The following ABCC4 variants were observed in gnomAD, a reference collection of about 807,000 sequenced individuals.
ABCC4 encodes the protein ATP-binding cassette sub-family C member 4.
A neutral mutation model predicts 168.5 loss-of-function variants in ABCC4; 102 were observed. That is an observed-to-expected ratio of 0.61 (90% CI 0.52 to 0.71). The LOEUF (loss-of-function observed/expected upper bound fraction) is 0.71, where lower values mean the gene tolerates loss of function less well. Among genes scored for constraint, ABCC4 ranks in the 30% least tolerant of loss-of-function variants. ABCC4 has a pLI of 0.00. For synonymous variants in ABCC4, 617 were observed against 590.7 expected (o/e 1.04, Z -0.65); for missense variants, 1,402 against 1,605.8 (o/e 0.87, Z 2.17).
chr13:95,186,872 C>A lies in ABCC4; in HGVS notation c.1374G>T (p.Val458=), dbSNP rs777310428. 1.9e-6 allele frequency: 3 copies of A among 1,612,832 alleles called. No homozygotes were observed. Among genetic ancestry groups the A allele is most frequent in the African/African-American group, 1.3e-5 (1 of 74,874 alleles). ...CGTGACTTGGGGCCAATTCCCCGAG[C>A]ACGGCACTTAACAGTGATGACTGAA... ...GAGKSSLLSA[V]LGELAPSHGL... is the part of the protein sequence containing the mutation. The change falls in exon 11 of 31, where the codon GTG becomes GTT. Residue 458 remains valine, a synonymous_variant. Transcript: ENST00000645237.
At position 95,163,200 on chromosome 13, in the gene ABCC4, T is replaced by C. The variant is rs9282570; in HGVS notation, c.2230A>G (p.Met744Val). ...CCTCCATTTACAGTGACATTTAGCA[T>C]ACTTTGTTTGTTTGCCCTATGGAAC... ...WLSYWANKQS[M>V]LNVTVNGGGN... The change falls in exon 18 of 31, where the codon ATG (methionine) becomes GTG (valine). Residue 744 changes from methionine (M) to valine (V), a missense_variant. Around this residue, in one of 3 missense-constraint regions of ABCC4, gnomAD observed 1,007 missense variants for 1,127.3 expected, o/e 0.89. Transcript: ENST00000645237. The C allele has an allele frequency of 2.2e-3, 3,624 of 1,612,506 alleles. 84 individuals are homozygous for C. The African/African-American group carries it at 0.04, about 18-fold the overall frequency.
chr13:95,252,831 T>C (rs185979293), intron 1 of ABCC4, among the ~76,000 whole-genome samples: 4 of 152,298 alleles, frequency 2.6e-5, no homozygotes, highest in African/African-American at 9.6e-5. Flanking sequence ...TGTACATCTA[T>C]AAAGAGAGTG....
chr13:95,080,232 G>A (rs1309119483), intron 21 of ABCC4, among the ~76,000 whole-genome samples: 1 of 152,144 alleles, frequency 6.6e-6, no homozygotes, highest in African/African-American at 2.4e-5. Flanking sequence ...AACAGAAATT[G>A]GATACGGCTT....
chr13:95,102,014 T>C (rs1361632991), intron 20 of ABCC4, among the ~76,000 whole-genome samples: 1 of 152,226 alleles, frequency 6.6e-6, no homozygotes, highest in Non-Finnish European at 1.5e-5. Context: ...ATTTTCTCCA[T>C]TTTACAGAGA....
Position 95,020,933 on chromosome 13 carries a change from C to A in ABCC4, c.*642G>T, listed in dbSNP as rs1369166064. ...TTCCATTTTGAGAAAGTAGTATTTT[C>A]TCTTCCTTCTCTTTTAGAACATATG... On this transcript the variant is annotated 3_prime_UTR_variant, in exon 31 of 31. Transcript: ENST00000645237. The A allele has an allele frequency of 5.2e-5, 8 of 152,434 alleles. No individual in the cohort carries two copies. In the East Asian group the frequency reaches 1.2e-3, roughly 22 times the overall value. The allele number at this position is 152,434 out of a possible 1,614,324, so 9.4% of individuals were successfully genotyped here.
intron 1 of ABCC4, among the ~76,000 whole-genome samples, chr13:95,290,131 GATA>G (rs1345045355): frequency 6.6e-6 from 1 of 151,686 alleles, no homozygotes; most frequent in African/African-American, 2.4e-5. Context: ...TAGATAGATA[GATA>G]GATAGATAGA....
At chr13:95,196,569 G>C (rs1406877214) in intron 8 of ABCC4, among the ~76,000 whole-genome samples, 2 of 108,392 alleles carry the variant, frequency 1.8e-5, no homozygotes, top group African/African-American at 6.0e-5. Flanking sequence ...AGGAAAGGAG[G>C]AAAGGAGGAA....
chr13:95,127,941 A>G (rs930588825), intron 19 of ABCC4, among the ~76,000 whole-genome samples: 5 of 152,224 alleles, frequency 3.3e-5, no homozygotes, highest in African/African-American at 1.2e-4. Context: ...ACATGCAAAA[A>G]AAAAGCTTTA....
intron 20 of ABCC4, among the ~76,000 whole-genome samples, chr13:95,100,859 G>A (rs2034777055): frequency 6.6e-6 from 1 of 152,198 alleles, no homozygotes; most frequent in Non-Finnish European, 1.5e-5. Context: ...TTGAGGGTAG[G>A]AGTTGGGGGA....
intron 30 of ABCC4, among the ~76,000 whole-genome samples, chr13:95,022,154 AT>A (rs756888568): frequency 6.6e-6 from 1 of 152,240 alleles, no homozygotes. Context: ...ATGCTGGCAT[AT>A]ACGTATGAAA....
chr13:95,199,202 A>G (rs934492835), intron 8 of ABCC4, among the ~76,000 whole-genome samples: 1 of 152,224 alleles, frequency 6.6e-6, no homozygotes, highest in Non-Finnish European at 1.5e-5. Context: ...TGTGTCTGCC[A>G]AGCTCTGGTC....
intron 1 of ABCC4, among the ~76,000 whole-genome samples, chr13:95,287,902 C>T (rs2041299479): frequency 6.6e-6 from 1 of 151,854 alleles, no homozygotes; most frequent in Admixed American, 6.6e-5. Flanking sequence ...ATTAGCCAGG[C>T]ATGGTGGCAT....
rs989302650 is a variant in ABCC4 at position 95,040,367 on chromosome 13, G to A, written c.3735+3315C>T. ...CTGCCTCAGCCTCCCGAGTAGCTGGGATTACAGGCACACGGCACCACGCCC... is the reference window on the plus strand; with the variant it reads ...CTGCCTCAGCCTCCCGAGTAGCTGGAATTACAGGCACACGGCACCACGCCC... On this transcript the variant is annotated intron_variant, in intron 29 of 30. Coordinates refer to ENST00000645237, the MANE Select transcript of ABCC4 (RefSeq NM_005845.5). Among the ~76,000 whole-genome samples the A allele has an allele frequency of 3.3e-5, 5 of 152,206 alleles. No homozygotes were observed. The South Asian group carries it at 6.2e-4, about 19-fold the overall frequency.
At chr13:95,287,565 T>A (rs4773871) in intron 1 of ABCC4, among the ~76,000 whole-genome samples, 3 of 151,150 alleles carry the variant, frequency 2.0e-5, no homozygotes, top group Non-Finnish European at 4.4e-5. Flanking sequence ...CCAGCCTGGG[T>A]GGAAGGGCAT....
intron 27 of ABCC4, among the ~76,000 whole-genome samples, chr13:95,045,255 C>G (rs1257711437): frequency 6.6e-6 from 1 of 152,076 alleles, no homozygotes; most frequent in Non-Finnish European, 1.5e-5. Context: ...GAGTATAACT[C>G]AAGGGAAAAT....
intron 11 of ABCC4, 104 bp downstream of exon 11, chr13:95,186,597 A>T: frequency 9.6e-7 from 1 of 1,044,252 alleles, no homozygotes; most frequent in Non-Finnish European, 1.4e-6. Context: ...AATAACATTC[A>T]AAGGTCTTTA....
intron 1 of ABCC4, among the ~76,000 whole-genome samples, chr13:95,249,015 T>C (rs2040187912): frequency 6.6e-6 from 1 of 152,160 alleles, no homozygotes; most frequent in Non-Finnish European, 1.5e-5. Context: ...CACTCCAGTC[T>C]GGGCAACAGA....
chr13:95,026,166 G>C lies in ABCC4; in HGVS notation c.3871-4484C>G, dbSNP rs199506317. ...GAAGCATGAGAATTGCTTGAACCGG[G>C]AGTTGGAGGGTGCAGTGAGCCAAGA... On this transcript the variant is annotated intron_variant, in intron 30 of 30. Coordinates refer to ENST00000645237, the MANE Select transcript of ABCC4 (RefSeq NM_005845.5). Among the ~76,000 whole-genome samples, 21 of 152,322 alleles carry C rather than the reference G, an allele frequency of 1.4e-4. No homozygotes were observed. In the East Asian group the frequency reaches 4.0e-3, roughly 29 times the overall value.
intron 4 of ABCC4, among the ~76,000 whole-genome samples, chr13:95,222,727 G>A (rs988126570): frequency 5.3e-5 from 8 of 152,154 alleles, no homozygotes; most frequent in Admixed American, 3.3e-4. Flanking sequence ...CCTGGCATAC[G>A]GTTGAAACAC....
Sources: gnomAD v4.1 joint callset for allele counts (sites outside exome capture counted in the v4.1 genomes callset) on GRCh38, gnomAD v4.1.1 for gene constraint, gnomAD v4.1.1 regional missense constraint, MANE v1.5 for transcripts, NCBI Gene and HGNC (gene_info 2026-07-23, HGNC 2026-07-21) for gene names.